Variants in ERN1 observed in about 807,000 individuals in gnomAD.
The protein encoded by ERN1 is serine/threonine-protein kinase/endoribonuclease IRE1.
ERN1 carries 39 observed loss-of-function variants against 113.1 expected under a neutral mutation model. The ratio of observed to expected loss-of-function variants is 0.34; its 90% CI spans 0.27 to 0.45. The LOEUF (loss-of-function observed/expected upper bound fraction) is 0.45, where lower values mean the gene tolerates loss of function less well. Among genes scored for constraint, ERN1 ranks in the 20% least tolerant of loss-of-function variants. The probability of loss-of-function intolerance (pLI) is 1.00; values close to 1 mark genes in which losing one functional copy is unlikely to be tolerated. For synonymous variants in ERN1, 507 were observed against 515.9 expected, an observed-to-expected ratio of 0.98 and a Z score of 0.23; for missense variants, 976 against 1,274.8, an observed-to-expected ratio of 0.77 and a Z score of 3.57.
At chr17:64,057,473 A>G (rs1912909979) in intron 12 of ERN1, among the ~76,000 whole-genome samples, 1 of 151,938 alleles carries the variant, frequency 6.6e-6, no homozygotes, top group Non-Finnish European at 1.5e-5. Flanking sequence ...GGTTCACGCC[A>G]TTCTCCTGCC....
chr17:64,100,103 T>C lies in ERN1; in HGVS notation c.55-1862A>G, dbSNP rs541240423. On this transcript the variant is annotated intron_variant, in intron 1 of 21. Coordinates refer to ENST00000433197, the MANE Select transcript of ERN1 (RefSeq NM_001433.5). ...GCAAAGGTCACTGTTTGGGAGTGGT[T>C]AGAATTATTTCAGCCCAGAGGGTCC... Among the ~76,000 whole-genome samples the C allele has an allele frequency of 5.9e-5, 9 of 152,178 alleles. 1 individual carries two copies. Among genetic ancestry groups the C allele is most frequent in the African/African-American group, 1.2e-4 (5 of 41,514 alleles).
chr17:64,099,155 A>T (rs1051154267), intron 1 of ERN1, among the ~76,000 whole-genome samples: 2 of 152,248 alleles, frequency 1.3e-5, no homozygotes, highest in Admixed American at 1.3e-4. Context: ...GTTCAGTGAA[A>T]TAATTATCAT....
At chr17:64,102,308 C>G (rs1914407153) in intron 1 of ERN1, among the ~76,000 whole-genome samples, 1 of 152,086 alleles carries the variant, frequency 6.6e-6, no homozygotes, top group African/African-American at 2.4e-5. Context: ...AACAACAACA[C>G]TAATCACATG....
chr17:64,126,954 T>C (rs1915097067), intron 1 of ERN1, among the ~76,000 whole-genome samples: 1 of 152,210 alleles, frequency 6.6e-6, no homozygotes, highest in South Asian at 2.1e-4. Context: ...CACATTGTAC[T>C]GATCTCTTTG....
At chr17:64,109,879 T>C (rs1914628078) in intron 1 of ERN1, among the ~76,000 whole-genome samples, 1 of 152,160 alleles carries the variant, frequency 6.6e-6, no homozygotes, top group African/African-American at 2.4e-5. Flanking sequence ...AAGCCTAAAT[T>C]ACTTCAGGCC....
intron 2 of ERN1, among the ~76,000 whole-genome samples, chr17:64,096,741 T>G (rs181413499): frequency 6.6e-6 from 1 of 152,214 alleles, no homozygotes; most frequent in African/African-American, 2.4e-5. Context: ...TTAATTCTTA[T>G]GTTTGACTAA....
At position 64,055,962 on chromosome 17, in the gene ERN1, C is replaced by A; in HGVS notation, c.1399-14G>T. ...CTGATGCATGCTCTGGGAAGAGAAA[C>A]CCACATCCAGACAAGGGCAGCTGTT... On this transcript the variant is annotated splice_polypyrimidine_tract_variant and intron_variant, in intron 12 of 21. Coordinates refer to ENST00000433197, the MANE Select transcript of ERN1 (RefSeq NM_001433.5). The A allele has an allele frequency of 6.5e-7, 1 of 1,526,866 alleles. No individual in the cohort carries two copies. The highest frequency in any genetic ancestry group is 8.8e-7 in the Non-Finnish European group (1 of 1,135,366). 94.6% of individuals were successfully genotyped at this position (1,526,866 alleles called of 1,614,324 possible). A position where few individuals can be genotyped will look rare whatever the true frequency, so the allele number is the denominator to read the frequency against.
At chr17:64,110,623 A>G (rs1347099317) in intron 1 of ERN1, among the ~76,000 whole-genome samples, 1 of 152,240 alleles carries the variant, frequency 6.6e-6, no homozygotes, top group African/African-American at 2.4e-5. Flanking sequence ...TTTAATGACC[A>G]AGCATAAACT....
chr17:64,127,863 C>T (rs1285691116), intron 1 of ERN1, among the ~76,000 whole-genome samples: 1 of 152,102 alleles, frequency 6.6e-6, no homozygotes, highest in Non-Finnish European at 1.5e-5. Context: ...ATTTTATACC[C>T]ACTGCGTTCT....
intron 8 of ERN1, among the ~76,000 whole-genome samples, chr17:64,066,013 G>A (rs994232042): frequency 6.6e-6 from 1 of 152,008 alleles, no homozygotes; most frequent in Admixed American, 6.6e-5. Context: ...AACACTTGCC[G>A]GCATATTATC....
In ERN1 at chr17:64,054,614, C is replaced by T. The variant is rs114273661; in HGVS notation, c.1763+124G>A. On this transcript the variant is annotated intron_variant, in intron 14 of 21. Transcript: ENST00000433197. The surrounding 1 kb of genome is among the most constrained non-coding windows in gnomAD (Gnocchi z 4.9). Reference sequence around the variant, plus strand: ...CTCAGTGTGCAAGCTCCCTGGAGGCCGGACTCCATGCGTCTAGGTCACTGC... The same window carrying T: ...CTCAGTGTGCAAGCTCCCTGGAGGCTGGACTCCATGCGTCTAGGTCACTGC... The T allele has an allele frequency of 7.8e-4, 775 of 989,474 alleles. 5 individuals are homozygous for T. In the African/African-American group the frequency reaches 0.011, roughly 14 times the overall value. The allele number at this position is 989,474 out of a possible 1,614,324, so 61.3% of individuals were successfully genotyped here.
intron 9 of ERN1, among the ~76,000 whole-genome samples, chr17:64,064,637 G>A (rs1486647304): frequency 6.6e-6 from 1 of 152,184 alleles, no homozygotes; most frequent in Admixed American, 6.5e-5. Context: ...AAGCATTGTA[G>A]GGATCAGGAC....
rs563544211 is a variant in ERN1, at chr17:64,101,173, C to T, written c.55-2932G>A. On this transcript the variant is annotated intron_variant, in intron 1 of 21. Transcript: ENST00000433197. ...CATGTAATCCCAGCACTTTGGGAGG[C>T]CGAGGCAGGCAGATCACTTGAGGTC... Among the ~76,000 whole-genome samples the T allele has an allele frequency of 6.6e-5, 10 of 152,284 alleles. No homozygotes were observed. The East Asian group carries it at 1.9e-3, about 29-fold the overall frequency.
intron 2 of ERN1, among the ~76,000 whole-genome samples, chr17:64,089,569 C>G (rs566484083): frequency 6.6e-6 from 1 of 152,172 alleles, no homozygotes; most frequent in East Asian, 1.9e-4. Flanking sequence ...CCAAGCATTT[C>G]GGGTAAGGGA....
chr17:64,078,526 T>C (rs947283584), intron 4 of ERN1, among the ~76,000 whole-genome samples: 2 of 152,212 alleles, frequency 1.3e-5, no homozygotes, highest in Non-Finnish European at 2.9e-5. Context: ...ACTTAATAAA[T>C]CTCTACTTAC....
chr17:64,125,961 G>A (rs1915069993), intron 1 of ERN1, among the ~76,000 whole-genome samples: 1 of 152,138 alleles, frequency 6.6e-6, no homozygotes, highest in Admixed American at 6.5e-5. Flanking sequence ...TTTGCTGTAT[G>A]TTTGTACATG....
chr17:64,088,877 C>G (rs745770172), intron 2 of ERN1, among the ~76,000 whole-genome samples: 11 of 152,130 alleles, frequency 7.2e-5, no homozygotes, highest in Non-Finnish European at 1.0e-4. Context: ...GGACAGAGGA[C>G]GCAGGCTCAG....
rs549532995 is a variant in ERN1, at chr17:64,076,748, C to T, written c.283-1501G>A. On this transcript the variant is annotated intron_variant, in intron 4 of 21. Coordinates refer to ENST00000433197, the MANE Select transcript of ERN1 (RefSeq NM_001433.5). ...CCAAGTAGCTGGGACTACAGGCGCC[C>T]GCCACTGCGCCTGGCTAATTTTTTG... Among the ~76,000 whole-genome samples the T allele has an allele frequency of 7.2e-5, 11 of 152,250 alleles. No homozygotes were observed. The South Asian group carries it at 8.3e-4, about 11-fold the overall frequency.
At position 64,093,624 on chromosome 17, in the gene ERN1, C is replaced by T. The variant is rs556753543; in HGVS notation, c.175+4497G>A. ...CCTCACATGGTGGAGAGAGAATGAG[C>T]GAGCTCTGGTCTCTCCCTTCTCATA... On this transcript the variant is annotated intron_variant, in intron 2 of 21. Transcript: ENST00000433197. Among the ~76,000 whole-genome samples the T allele has an allele frequency of 9.9e-5, 15 of 152,246 alleles. 1 individual carries two copies. Among genetic ancestry groups the T allele is most frequent in the Admixed American group, 7.8e-4 (12 of 15,294 alleles).
Sources: gnomAD v4.1 joint callset for allele counts (sites outside exome capture counted in the v4.1 genomes callset) on GRCh38, gnomAD v4.1.1 for gene constraint, Gnocchi (gnomAD v3.1) non-coding constraint, MANE v1.5 for transcripts, NCBI Gene and HGNC (gene_info 2026-07-23, HGNC 2026-07-21) for gene names.